Variants in SLC6A2 observed in about 807,000 individuals in gnomAD.
SLC6A2 encodes solute carrier family 6 member 2.
Under a neutral mutation model 71.7 loss-of-function variants are expected in SLC6A2, and 26 were observed. The observed-to-expected ratio is 0.36, with a 90% CI of 0.27 to 0.50. The LOEUF (loss-of-function observed/expected upper bound fraction) is 0.50, where lower values mean the gene tolerates loss of function less well. SLC6A2 is among the 20% of genes least tolerant of loss of function. The probability of loss-of-function intolerance (pLI) is 0.96; values close to 1 mark genes in which losing one functional copy is unlikely to be tolerated. For synonymous variants in SLC6A2, 363 were observed against 337.9 expected (o/e 1.07, Z -0.82); for missense variants, 581 against 803.9 (o/e 0.72, Z 3.35).
intron 2 of SLC6A2, among the ~76,000 whole-genome samples, chr16:55,659,614 A>G (rs1310295383): frequency 3.9e-5 from 6 of 152,216 alleles, no homozygotes; most frequent in African/African-American, 1.4e-4. Context: ...AATGCCCAAG[A>G]TAAGTCCTAG....
chr16:55,697,934 A>G lies in SLC6A2; in HGVS notation c.1298A>G (p.Asp433Gly). 6.2e-7 allele frequency: 1 copy of G among 1,614,036 alleles called. No homozygotes were observed. The highest frequency in any genetic ancestry group is 8.5e-7 in the Non-Finnish European group (1 of 1,179,940). Residue 433 changes from aspartate (D) to glycine (G), a missense_variant, in exon 10 of 15, where the codon GAT (aspartate) becomes GGT (glycine). Physicochemically the swap from Asp to Gly is moderately conservative, Grantham distance 94. Around this residue, in one of 5 missense-constraint regions of SLC6A2, gnomAD observed 334 missense variants for 449.0 expected, o/e 0.74. Transcript: ENST00000568943. ...GAGGCTGTCATCACGGGCCTGGCAG[A>G]TGACTTCCAGGTCCTGAAGCGACAC... ...GMEAVITGLA[D>G]DFQVLKRHRK... is the part of the protein sequence containing the mutation.
At position 55,656,874 on chromosome 16, in the gene SLC6A2, CAAG is replaced by C; in HGVS notation, c.185_187del (p.Lys62del). The C allele has an allele frequency of 1.2e-6, 2 of 1,613,974 alleles. No individual in the cohort carries two copies. The highest frequency in any genetic ancestry group is 1.7e-6 in the Non-Finnish European group (2 of 1,179,934). The stretch of plus-strand genomic sequence containing the variant: ...ACGCGCAGCCCCGGGAGACCTGGGG[CAAG>C]AAGATCGACTTCCTGCTGTCCGTAG... On this transcript the variant is annotated inframe_deletion, in exon 2 of 15. Coordinates refer to ENST00000568943, the MANE Select transcript of SLC6A2 (RefSeq NM_001172501.3). This position sits in a 1 kb window ranked among gnomAD's most constrained non-coding sequence, Gnocchi z 4.5.
chr16:55,700,980 TA>T (rs575866842), intron 13 of SLC6A2, among the ~76,000 whole-genome samples: 273 of 152,328 alleles, frequency 1.8e-3, no homozygotes, highest in African/African-American at 6.4e-3. Context: ...CTAATAGTGA[TA>T]ATCTTTTCCT....
At chr16:55,663,603 G>C (rs906325713) in intron 2 of SLC6A2, among the ~76,000 whole-genome samples, 1 of 152,150 alleles carries the variant, frequency 6.6e-6, no homozygotes, top group African/African-American at 2.4e-5. Flanking sequence ...CTCCAGCTGA[G>C]GTCTTACCAT....
At chr16:55,686,355 C>G (rs577675195) in intron 5 of SLC6A2, among the ~76,000 whole-genome samples, 16 of 152,294 alleles carry the variant, frequency 1.1e-4, no homozygotes, top group African/African-American at 3.8e-4. Context: ...AGCATGGCGG[C>G]TGAGTTCCAA....
chr16:55,700,142 G>A lies in SLC6A2; in HGVS notation c.1594G>A (p.Val532Met), dbSNP rs1433462368. The change falls in exon 13 of 15, where the codon GTG becomes ATG. Residue 532 changes from valine (V) to methionine (M), a missense_variant. Val to Met is a conservative substitution (Grantham distance 21). Coordinates refer to ENST00000568943, the MANE Select transcript of SLC6A2 (RefSeq NM_001172501.3). ...TCCCTTCTCTGCCCATCTCTAGTTC[G>A]TGGTTGTGGTCAGCATCATCAACTT... ...KFVSPAFLLF[V>M]VVVSIINFKP... is the part of the protein sequence containing the mutation. 1.1e-5 allele frequency: 18 copies of A among 1,613,002 alleles called. 1 individual carries two copies. The highest frequency in any genetic ancestry group is 4.0e-5 in the African/African-American group (3 of 74,590).
intron 3 of SLC6A2, chr16:55,671,677 T>C (rs1461110805): frequency 4.6e-6 from 3 of 649,270 alleles, no homozygotes; most frequent in Non-Finnish European, 7.8e-6. Flanking sequence ...ATCTAGGTTG[T>C]GTGCTCCTTA....
Position 55,664,205 on chromosome 16 carries a change from T to C in SLC6A2, c.275-5360T>C, listed in dbSNP as rs141211814. Among the ~76,000 whole-genome samples the C allele has an allele frequency of 8.9e-4, 136 of 152,174 alleles. 1 individual carries two copies. The highest frequency in any genetic ancestry group is 1.6e-3 in the Non-Finnish European group (112 of 68,012). ...CTAAGGTTTGGCCTGGCGTATCCTG[T>C]CCCCCGCTCTGGCCGGTGCTTCCAT... On this transcript the variant is annotated intron_variant, in intron 2 of 14. Transcript: ENST00000568943.
At chr16:55,684,887 T>C (rs1965397087) in intron 4 of SLC6A2, among the ~76,000 whole-genome samples, 1 of 152,210 alleles carries the variant, frequency 6.6e-6, no homozygotes, top group African/African-American at 2.4e-5. Context: ...ATTTTTGTCT[T>C]TTAAAAGCAG....
chr16:55,691,898 T>C lies in SLC6A2; in HGVS notation c.784-20T>C, dbSNP rs1220489724. 6.2e-7 allele frequency: 1 copy of C among 1,614,040 alleles called. No individual in the cohort carries two copies. The highest frequency in any genetic ancestry group is 1.1e-5 in the South Asian group (1 of 91,078). On this transcript the variant is annotated intron_variant, in intron 5 of 14. Coordinates refer to ENST00000568943, the MANE Select transcript of SLC6A2 (RefSeq NM_001172501.3). ...TTGGGGCCAGAGCGAGGCTCTCACC[T>C]GAACTTATCCATTGCCCAGGTGGTG... is the stretch of plus-strand genomic sequence containing the variant.
rs779642867 is a variant in SLC6A2, at chr16:55,688,580, A to T, written c.783+3299A>T. 3.9e-4 allele frequency among the ~76,000 whole-genome samples: 59 copies of T among 151,970 alleles called. 1 individual carries two copies. The highest frequency in any genetic ancestry group is 6.6e-4 in the Non-Finnish European group (45 of 67,988). ...GTAGGTCCTGGGCAGTGTTTTTCAA[A>T]CTCTCATGGGTGTAAGAATCACTGA... On this transcript the variant is annotated intron_variant, in intron 5 of 14. Coordinates refer to ENST00000568943, the MANE Select transcript of SLC6A2 (RefSeq NM_001172501.3).
At position 55,703,733 on chromosome 16, in the gene SLC6A2, G is replaced by C. The variant is rs1315519946; in HGVS notation, c.*1387G>C. On this transcript the variant is annotated 3_prime_UTR_variant, in exon 15 of 15. Transcript: ENST00000568943. ...AGGGATTCTTATTCTGACTGTGGGA[G>C]CTCCTGTTGCGGGATCTTGGGAAAA... 2 of 985,198 alleles carry C rather than the reference G, an allele frequency of 2.0e-6. No individual in the cohort carries two copies. The highest frequency in any genetic ancestry group is 1.7e-5 in the African/African-American group (1 of 57,228). 61.0% of individuals were successfully genotyped at this position (985,198 alleles called of 1,614,324 possible). A position where few individuals can be genotyped will look rare whatever the true frequency, so the allele number is the denominator to read the frequency against.
intron 5 of SLC6A2, among the ~76,000 whole-genome samples, chr16:55,685,828 A>G (rs1220269868): frequency 6.6e-6 from 1 of 152,170 alleles, no homozygotes; most frequent in Admixed American, 6.5e-5. Context: ...AGAGAAGAGC[A>G]TAGGTTTAGA....
At chr16:55,694,227 C>G in intron 7 of SLC6A2, 114 bp downstream of exon 7, 1 of 790,934 alleles carries the variant, frequency 1.3e-6, no homozygotes. Context: ...GCCAAATTTT[C>G]TTCTTGTGAA....
intron 4 of SLC6A2, among the ~76,000 whole-genome samples, chr16:55,675,624 A>G (rs1596973319): frequency 6.6e-6 from 1 of 152,172 alleles, no homozygotes; most frequent in South Asian, 2.1e-4. Flanking sequence ...TGTGCAATCC[A>G]CCAGAGTACC....
At chr16:55,669,002 G>C (rs1388244975) in intron 2 of SLC6A2, among the ~76,000 whole-genome samples, 3 of 152,168 alleles carry the variant, frequency 2.0e-5, no homozygotes, top group African/African-American at 7.2e-5. Context: ...TTTGCAGGCT[G>C]TTGTGAAACT....
chr16:55,684,903 A>C (rs1295256211), intron 4 of SLC6A2, among the ~76,000 whole-genome samples: 1 of 152,226 alleles, frequency 6.6e-6, no homozygotes, highest in Non-Finnish European at 1.5e-5. Context: ...AGCAGCCATG[A>C]GCGTGGAATC....
At chr16:55,682,953 A>G (rs1245367686) in intron 4 of SLC6A2, among the ~76,000 whole-genome samples, 1 of 152,222 alleles carries the variant, frequency 6.6e-6, no homozygotes, top group Non-Finnish European at 1.5e-5. Context: ...AGGCAGAGTC[A>G]GGACGGTGCA....
At chr16:55,694,567 A>G (rs1965736034) in intron 7 of SLC6A2, among the ~76,000 whole-genome samples, 1 of 152,202 alleles carries the variant, frequency 6.6e-6, no homozygotes, top group African/African-American at 2.4e-5. Flanking sequence ...CTGCTGGCCC[A>G]GTGCTGTGGG....
Sources: allele counts gnomAD v4.1 joint callset (sites outside exome capture counted in the v4.1 genomes callset), GRCh38; gene constraint gnomAD v4.1.1; regional missense constraint gnomAD v4.1.1; non-coding constraint Gnocchi (gnomAD v3.1); transcripts MANE v1.5; gene names NCBI Gene and HGNC (gene_info 2026-07-23, HGNC 2026-07-21).